The following INPP4B variants were observed in gnomAD, a reference collection of about 807,000 sequenced individuals.
INPP4B encodes inositol polyphosphate-4-phosphatase type II B, also known as inositol polyphosphate 4-phosphatase type II.
A neutral mutation model predicts 122.5 loss-of-function variants in INPP4B; 55 were observed. The observed-to-expected ratio is 0.45, with a 90% CI of 0.36 to 0.56. The LOEUF is 0.56. Ranked by LOEUF, INPP4B falls within the 20% of genes least tolerant of loss-of-function variation. The pLI is 0.00. For synonymous variants in INPP4B, 403 were observed against 388.7 expected, an observed-to-expected ratio of 1.04 and a Z score of -0.43; for missense variants, 1,000 against 1,097.7, an observed-to-expected ratio of 0.91 and a Z score of 1.26.
At chr4:142,435,608 T>C (rs1810293776) in intron 3 of INPP4B, among the ~76,000 whole-genome samples, 1 of 152,110 alleles carries the variant, frequency 6.6e-6, no homozygotes, top group South Asian at 2.1e-4. Context: ...TCAGGACTGA[T>C]AGGTGGCTGG....
At chr4:142,284,741 T>G (rs1347441817) in intron 9 of INPP4B, among the ~76,000 whole-genome samples, 1 of 152,004 alleles carries the variant, frequency 6.6e-6, no homozygotes, top group African/African-American at 2.4e-5. Flanking sequence ...CCTATACCCT[T>G]GCTAGGTATA....
chr4:142,606,524 T>C (rs1741306960), intron 2 of INPP4B, among the ~76,000 whole-genome samples: 2 of 151,900 alleles, frequency 1.3e-5, no homozygotes, highest in Non-Finnish European at 2.9e-5. Flanking sequence ...ACCCTATACA[T>C]GTGTAAATTT....
chr4:142,252,689 C>A (rs1732943034), intron 11 of INPP4B, among the ~76,000 whole-genome samples: 1 of 152,108 alleles, frequency 6.6e-6, no homozygotes, highest in South Asian at 2.1e-4. Flanking sequence ...CACCTACATA[C>A]CCAAGAATGT....
rs1353868175 is a variant in INPP4B, at chr4:142,173,645, A to T, written c.1346T>A (p.Met449Lys). The T allele has an allele frequency of 6.2e-7, 1 of 1,610,384 alleles. No individual in the cohort carries two copies. The highest frequency in any genetic ancestry group is 8.5e-7 in the Non-Finnish European group (1 of 1,178,472). Reference sequence around the variant, plus strand: ...TTTGGATCTTACTTTTTCTGAAAGCATCTTTAAAGAATTCTTCAAGCTGTC... The same window carrying T: ...TTTGGATCTTACTTTTTCTGAAAGCTTCTTTAAAGAATTCTTCAAGCTGTC... ...SPDSLKNSLK[M>K]LSEKTELFVH... The change falls in exon 16 of 26, where the codon ATG (methionine) becomes AAG (lysine). Residue 449 changes from methionine to lysine, a missense_variant. Physicochemically the swap from Met to Lys is moderately conservative, Grantham distance 95. Transcript: ENST00000262992.
At chr4:142,765,729 T>G (rs1442396821) in intron 1 of INPP4B, 1 of 151,866 alleles carries the variant, frequency 6.6e-6, no homozygotes, top group Non-Finnish European at 1.5e-5. Flanking sequence ...ACATCTTTCT[T>G]TTATTTATAT....
At chr4:142,378,528 T>C (rs1250932942) in intron 7 of INPP4B, among the ~76,000 whole-genome samples, 1 of 152,138 alleles carries the variant, frequency 6.6e-6, no homozygotes, top group Non-Finnish European at 1.5e-5. Flanking sequence ...TTATTCCACA[T>C]GTATGCTAGG....
At chr4:142,263,549 A>G (rs1741141897) in intron 10 of INPP4B, among the ~76,000 whole-genome samples, 1 of 150,006 alleles carries the variant, frequency 6.7e-6, no homozygotes, top group African/African-American at 2.4e-5. Flanking sequence ...CACTGGGGAT[A>G]AAGGAGGGAA....
chr4:142,105,779 A>T (rs1786754451), intron 23 of INPP4B, among the ~76,000 whole-genome samples: 1 of 152,210 alleles, frequency 6.6e-6, no homozygotes, highest in Non-Finnish European at 1.5e-5. Context: ...AAATTAACCT[A>T]TCCTTTAACA....
At chr4:142,744,840 CATAAAT>C (rs1561022607) in intron 1 of INPP4B, among the ~76,000 whole-genome samples, 1 of 151,456 alleles carries the variant, frequency 6.6e-6, no homozygotes, top group African/African-American at 2.4e-5. Context: ...AATAAATAGA[CATAAAT>C]ATAAGATGTT....
intron 1 of INPP4B, among the ~76,000 whole-genome samples, chr4:142,806,810 A>G (rs1230146338): frequency 2.0e-5 from 3 of 148,560 alleles, no homozygotes; most frequent in East Asian, 3.9e-4. Flanking sequence ...AAAGAAAGAA[A>G]GAAAGAAAGA....
At chr4:142,102,522 G>A (rs1237772650) in intron 23 of INPP4B, among the ~76,000 whole-genome samples, 1 of 146,372 alleles carries the variant, frequency 6.8e-6, no homozygotes, top group East Asian at 2.0e-4. Context: ...CGTGAGAGAC[G>A]TGAGAGAAAG....
chr4:142,297,400 T>C (rs1759225430), intron 9 of INPP4B, among the ~76,000 whole-genome samples: 1 of 152,178 alleles, frequency 6.6e-6, no homozygotes, highest in Non-Finnish European at 1.5e-5. Flanking sequence ...TAAAATGTAA[T>C]CACTGTTAGA....
At chr4:142,648,017 CCAAATGACA>C (rs1217567598) in intron 2 of INPP4B, among the ~76,000 whole-genome samples, 1 of 152,224 alleles carries the variant, frequency 6.6e-6, no homozygotes, top group African/African-American at 2.4e-5. Context: ...CTCTAAACTT[CCAAATGACA>C]CAAAATCTGA....
At chr4:142,841,190 A>G (rs1413048064) in intron 1 of INPP4B, among the ~76,000 whole-genome samples, 1 of 152,076 alleles carries the variant, frequency 6.6e-6, no homozygotes, top group Non-Finnish European at 1.5e-5. Flanking sequence ...TAGAGTGTTA[A>G]CTGATCACTA....
intron 11 of INPP4B, among the ~76,000 whole-genome samples, chr4:142,244,428 T>G (rs1726823440): frequency 6.6e-6 from 1 of 150,592 alleles, no homozygotes; most frequent in African/African-American, 2.4e-5. Flanking sequence ...GCCTCCCGAG[T>G]AGCTGGGACT....
At chr4:142,277,825 G>A (rs775250586) in intron 9 of INPP4B, among the ~76,000 whole-genome samples, 3 of 151,786 alleles carry the variant, frequency 2.0e-5, no homozygotes, top group Admixed American at 6.6e-5. Flanking sequence ...ACCAAACATC[G>A]TATGTTCTCA....
intron 1 of INPP4B, among the ~76,000 whole-genome samples, chr4:142,804,064 A>T (rs1778365617): frequency 1.5e-5 from 2 of 136,938 alleles, no homozygotes. Flanking sequence ...ATCATAAATA[A>T]ATAAATAAAT....
At chr4:142,431,585 A>C (rs1280323484) in intron 3 of INPP4B, among the ~76,000 whole-genome samples, 200 bp from the exon 4 acceptor site, 1 of 152,152 alleles carries the variant, frequency 6.6e-6, no homozygotes, top group Non-Finnish European at 1.5e-5. Context: ...ATTATTACAT[A>C]GTCATATGAA....
chr4:142,828,536 T>C (rs1345914492), intron 1 of INPP4B, among the ~76,000 whole-genome samples: 1 of 151,726 alleles, frequency 6.6e-6, no homozygotes. Flanking sequence ...TGGAAGTCCA[T>C]GATATCTTAC....
Sources: gnomAD v4.1 joint callset for allele counts (sites outside exome capture counted in the v4.1 genomes callset) on GRCh38, gnomAD v4.1.1 for gene constraint, MANE v1.5 for transcripts, NCBI Gene and HGNC (gene_info 2026-07-23, HGNC 2026-07-21) for gene names.